The following MSANTD2 variants were observed in gnomAD, a reference collection of about 807,000 sequenced individuals.
MSANTD2 encodes Myb/SANT DNA binding domain containing 2.
In MSANTD2, 19 loss-of-function variants were observed where a neutral mutation model predicts 52.6. The observed-to-expected ratio is 0.36, with a 90% CI of 0.25 to 0.53. MSANTD2 has a LOEUF of 0.53. Among genes scored for constraint, MSANTD2 ranks in the 20% least tolerant of loss-of-function variants. The pLI is 0.91. For missense variants in MSANTD2, 558 were observed against 716.3 expected, an observed-to-expected ratio of 0.78 and a Z score of 2.52; for synonymous variants, 291 against 289.7, an observed-to-expected ratio of 1.00 and a Z score of -0.04.
chr11:124,776,262 A>G (rs1254840426), intron 1 of MSANTD2: 1 of 152,256 alleles, frequency 6.6e-6, no homozygotes, highest in Non-Finnish European at 1.5e-5. Flanking sequence ...ACAACTCTTA[A>G]TAATATCTAC....
chr11:124,772,147 C>T (rs1944547426), intron 3 of MSANTD2, among the ~76,000 whole-genome samples: 1 of 152,198 alleles, frequency 6.6e-6, no homozygotes, highest in African/African-American at 2.4e-5. Flanking sequence ...CTTAGTCTTT[C>T]CTCTAGCAAC....
chr11:124,783,663 TA>T, intron 1 of MSANTD2: 3 of 901,942 alleles, frequency 3.3e-6, no homozygotes, highest in African/African-American at 1.8e-5. Flanking sequence ...AACAAAACTT[TA>T]AAAAAATATA....
rs370739014 is a variant in MSANTD2, at chr11:124,800,353, G to A, written c.28C>T (p.Pro10Ser). Residue 10 changes from proline to serine, a missense_variant, in exon 1 of 4, where the codon CCC becomes TCC. Pro to Ser is a moderately conservative substitution (Grantham distance 74). Around this residue, in one of 2 missense-constraint regions of MSANTD2, gnomAD observed 150 missense variants for 142.7 expected, o/e 1.05. Transcript: ENST00000374979. The surrounding 1 kb of genome is among the most constrained non-coding windows in gnomAD (Gnocchi z 4.3). MAAPCGSEL[P>S]ANSPLKIPKM... Reference sequence around the variant, plus strand: ...GGAATTTTTAGCGGCGAGTTGGCGGGCAGCTCCGAGCCACAGGGCGCAGCC... The same window carrying A: ...GGAATTTTTAGCGGCGAGTTGGCGGACAGCTCCGAGCCACAGGGCGCAGCC... The A allele has an allele frequency of 9.7e-6, 15 of 1,543,088 alleles. No homozygotes were observed. The highest frequency in any genetic ancestry group is 2.4e-5 in the South Asian group (2 of 82,786).
chr11:124,793,449 G>A (rs951477279), intron 1 of MSANTD2, among the ~76,000 whole-genome samples: 1 of 152,052 alleles, frequency 6.6e-6, no homozygotes, highest in African/African-American at 2.4e-5. Context: ...GGATACATGG[G>A]TTTCAAAGCC....
rs752117527 is a variant in MSANTD2 at position 124,767,764 on chromosome 11, C to T, written c.1092G>A (p.Gln364=). The part of the protein sequence containing the change: ...PEGRIIMTRV[Q]KMNWKNVYYK... ...AGTAAACATTTTTCCAGTTCATTTTCTGCACTCGGGTCATAATGATCCGTC... is the reference window on the plus strand; with the variant it reads ...AGTAAACATTTTTCCAGTTCATTTTTTGCACTCGGGTCATAATGATCCGTC... Residue 364 remains glutamine (Q), a synonymous_variant, in exon 4 of 4, where the codon CAG becomes CAA. Transcript: ENST00000374979. The surrounding 1 kb of genome is among the most constrained non-coding windows in gnomAD (Gnocchi z 6.5). 1.1e-5 allele frequency: 18 copies of T among 1,614,108 alleles called. No individual in the cohort carries two copies. Among genetic ancestry groups the T allele is most frequent in the Non-Finnish European group, 1.4e-5 (17 of 1,180,040 alleles).
At chr11:124,790,917 G>C (rs1945311266) in intron 1 of MSANTD2, 1 of 247,810 alleles carries the variant, frequency 4.0e-6, no homozygotes, top group East Asian at 1.1e-4. Context: ...GTTTCAATAG[G>C]TTCAGTCTAA....
At chr11:124,784,836 C>T in intron 1 of MSANTD2, 1 of 171,950 alleles carries the variant, frequency 5.8e-6, no homozygotes, top group Non-Finnish European at 1.2e-5. Flanking sequence ...TCCCTCAAGA[C>T]CTCTGGGTAC....
intron 1 of MSANTD2, among the ~76,000 whole-genome samples, chr11:124,781,218 G>A (rs1034710803): frequency 3.3e-5 from 5 of 150,308 alleles, no homozygotes; most frequent in African/African-American, 9.8e-5. Flanking sequence ...AGCATACAAC[G>A]ATATTACTTT....
At chr11:124,799,489 T>C (rs998417627) in intron 1 of MSANTD2, among the ~76,000 whole-genome samples, 1 of 151,918 alleles carries the variant, frequency 6.6e-6, no homozygotes, top group South Asian at 2.1e-4. Context: ...CCCCGGCCGG[T>C]AAGCCTCTGC....
Position 124,767,015 on chromosome 11 carries a change from C to T in MSANTD2, c.*161G>A, listed in dbSNP as rs76742541. 9.0e-5 allele frequency: 64 copies of T among 707,450 alleles called. No individual in the cohort carries two copies. In the East Asian group the frequency reaches 1.7e-3, roughly 19 times the overall value. The allele number at this position is 707,450 out of a possible 1,614,324, so 43.8% of individuals were successfully genotyped here. A position where few individuals can be genotyped will look rare whatever the true frequency, so the allele number is the denominator to read the frequency against. ...TTCAGGTGAGGTCTGTTTTTTCTGG[C>T]CCAAGTCTACTATGATTCCTTAGAA... On this transcript the variant is annotated 3_prime_UTR_variant, in exon 4 of 4. Coordinates refer to ENST00000374979, the MANE Select transcript of MSANTD2 (RefSeq NM_001308027.2). This position sits in a 1 kb window ranked among gnomAD's most constrained non-coding sequence, Gnocchi z 6.5.
intron 3 of MSANTD2, among the ~76,000 whole-genome samples, chr11:124,769,730 T>C (rs1444214239): frequency 6.6e-6 from 1 of 152,238 alleles, no homozygotes; most frequent in Non-Finnish European, 1.5e-5. Context: ...ATCCCACCTA[T>C]ACCTACAGAG....
At chr11:124,789,774 G>C (rs1032332929) in intron 1 of MSANTD2, 2 of 152,204 alleles carry the variant, frequency 1.3e-5, no homozygotes, top group Non-Finnish European at 2.9e-5. Context: ...GGGGAACTCT[G>C]CATTGATTAG....
intron 1 of MSANTD2, among the ~76,000 whole-genome samples, chr11:124,782,227 G>A (rs1944999370): frequency 6.6e-6 from 1 of 151,704 alleles, no homozygotes; most frequent in Admixed American, 6.6e-5. Context: ...GCTGGAGGAC[G>A]CTTCAAGGCC....
chr11:124,793,627 G>A (rs1945399261), intron 1 of MSANTD2, among the ~76,000 whole-genome samples: 1 of 152,202 alleles, frequency 6.6e-6, no homozygotes, highest in African/African-American at 2.4e-5. Context: ...AGAGCCACCT[G>A]TGGCTAGTAA....
At chr11:124,794,637 C>T (rs1344427039) in intron 1 of MSANTD2, among the ~76,000 whole-genome samples, 1 of 152,166 alleles carries the variant, frequency 6.6e-6, no homozygotes, top group Non-Finnish European at 1.5e-5. Context: ...TATTAAAATG[C>T]TTATCAGGGA....
chr11:124,780,052 G>A (rs1394225219), intron 1 of MSANTD2, among the ~76,000 whole-genome samples: 2 of 152,174 alleles, frequency 1.3e-5, no homozygotes, highest in South Asian at 4.2e-4. Flanking sequence ...TTGAGGCAAC[G>A]AAACACCATT....
chr11:124,772,456 G>A (rs1944561639), intron 3 of MSANTD2, among the ~76,000 whole-genome samples: 1 of 152,182 alleles, frequency 6.6e-6, no homozygotes, highest in Admixed American at 6.5e-5. Context: ...ATAGACATCT[G>A]GCTGGGTGCG....
Position 124,766,584 on chromosome 11 carries a change from G to A in MSANTD2, c.*592C>T, listed in dbSNP as rs1422352432. The stretch of plus-strand genomic sequence containing the variant: ...AAGTTGGTACATCACAGAAACAAAG[G>A]TCTTTGCAAGCAATACTGATTGGAA... On this transcript the variant is annotated 3_prime_UTR_variant, in exon 4 of 4. Transcript: ENST00000374979. 1 of 152,464 alleles carries A rather than the reference G, an allele frequency of 6.6e-6. No homozygotes were observed. Among genetic ancestry groups the A allele is most frequent in the South Asian group, 2.1e-4 (1 of 4,826 alleles). 9.4% of individuals were successfully genotyped at this position (152,464 alleles called of 1,614,324 possible).
At chr11:124,795,188 A>G (rs945467024) in intron 1 of MSANTD2, among the ~76,000 whole-genome samples, 1 of 152,074 alleles carries the variant, frequency 6.6e-6, no homozygotes, top group Non-Finnish European at 1.5e-5. Context: ...CTCTTTTACC[A>G]TTTTTAAATT....
Sources: gnomAD v4.1 joint callset for allele counts (sites outside exome capture counted in the v4.1 genomes callset) on GRCh38, gnomAD v4.1.1 for gene constraint, gnomAD v4.1.1 regional missense constraint, Gnocchi (gnomAD v3.1) non-coding constraint, MANE v1.5 for transcripts, NCBI Gene and HGNC (gene_info 2026-07-23, HGNC 2026-07-21) for gene names.